The following TCF4 variants were observed in gnomAD, a reference collection of about 807,000 sequenced individuals.
The protein encoded by TCF4 is SL3-3 enhancer factor 2.
A neutral mutation model predicts 82.1 loss-of-function variants in TCF4; 3 were observed. That is an observed-to-expected ratio of 0.04 (90% CI 0.02 to 0.09). The LOEUF is 0.09. Ranked by LOEUF, TCF4 falls within the 10% of genes least tolerant of loss-of-function variation. TCF4 has a pLI of 1.00. For synonymous variants in TCF4, 276 were observed against 309.6 expected, an observed-to-expected ratio of 0.89 and a Z score of 1.14; for missense variants, 518 against 852.7, an observed-to-expected ratio of 0.61 and a Z score of 4.89.
At chr18:55,564,927 T>A (rs1399089963) in intron 3 of TCF4, among the ~76,000 whole-genome samples, 1 of 152,152 alleles carries the variant, frequency 6.6e-6, no homozygotes, top group Non-Finnish European at 1.5e-5. Context: ...AATAACCAGA[T>A]GATAACAACT....
At chr18:55,500,899 T>C (rs2146023788) in intron 3 of TCF4, among the ~76,000 whole-genome samples, 1 of 152,286 alleles carries the variant, frequency 6.6e-6, no homozygotes, top group East Asian at 1.9e-4. Context: ...TAAATTCTCC[T>C]ACGTTTAGGT....
chr18:55,607,879 G>A (rs1254159312), intron 2 of TCF4, among the ~76,000 whole-genome samples: 1 of 152,246 alleles, frequency 6.6e-6, no homozygotes, highest in Admixed American at 6.5e-5. Context: ...CAAAGGTGTG[G>A]GCTGTGTTTA....
At chr18:55,259,192 T>C (rs2145655067) in intron 13 of TCF4, among the ~76,000 whole-genome samples, 1 of 152,218 alleles carries the variant, frequency 6.6e-6, no homozygotes, top group East Asian at 1.9e-4. Context: ...CAGGTACAGA[T>C]GTGATTTAGG....
chr18:55,367,510 T>C (rs541985786), intron 6 of TCF4, among the ~76,000 whole-genome samples: 6 of 152,344 alleles, frequency 3.9e-5, no homozygotes, highest in African/African-American at 1.4e-4. Context: ...CCTTCACCAA[T>C]GCAATGTAGG....
intron 17 of TCF4, chr18:55,230,790 A>G (rs1244688930): frequency 2.6e-5 from 4 of 152,240 alleles, no homozygotes; most frequent in African/African-American, 9.7e-5. Flanking sequence ...CCAAGTGGCA[A>G]TAAGGACCAA....
intron 16 of TCF4, 101 bp from the exon 17 acceptor site, chr18:55,232,772 G>C: frequency 7.0e-7 from 1 of 1,436,726 alleles, no homozygotes; most frequent in South Asian, 1.2e-5. Flanking sequence ...GCTGAACTGT[G>C]ATCCTTCTGT....
rs761424512 is a variant in TCF4 at position 55,403,428 on chromosome 18, C to A, written c.369+26G>T. 4 of 1,613,168 alleles carry A rather than the reference C, an allele frequency of 2.5e-6. No homozygotes were observed. In the South Asian group the frequency reaches 4.4e-5, roughly 18 times the overall value. ...ATTTACCAGGTTAATCCTCTCAACC[C>A]TTCCGCAACAGAGATTCTCACTTAC... On this transcript the variant is annotated intron_variant, in intron 6 of 19. Coordinates refer to ENST00000354452, the MANE Select transcript of TCF4 (RefSeq NM_001083962.2).
intron 2 of TCF4, among the ~76,000 whole-genome samples, chr18:55,600,419 T>C (rs1005908632): frequency 6.6e-6 from 1 of 152,222 alleles, no homozygotes; most frequent in Non-Finnish European, 1.5e-5. Context: ...GCCTCCTCAA[T>C]TAGACTCTAA....
At chr18:55,348,854 G>C (rs1408047415) in intron 8 of TCF4, among the ~76,000 whole-genome samples, 2 of 152,026 alleles carry the variant, frequency 1.3e-5, no homozygotes, top group Non-Finnish European at 2.9e-5. Flanking sequence ...CATTGTTTCA[G>C]AACATTCAAA....
At chr18:55,618,822 G>A (rs2097714797) in intron 2 of TCF4, among the ~76,000 whole-genome samples, 1 of 151,630 alleles carries the variant, frequency 6.6e-6, no homozygotes, top group Admixed American at 6.6e-5. Flanking sequence ...CCTGGGCTCA[G>A]GCTATCCTCC....
intron 3 of TCF4, among the ~76,000 whole-genome samples, chr18:55,493,447 CT>C (rs796540136): frequency 5.9e-5 from 9 of 151,920 alleles, no homozygotes; most frequent in African/African-American, 1.7e-4. Flanking sequence ...TTGAAACAAG[CT>C]TTTTTTTAAA....
intron 8 of TCF4, chr18:55,322,395 T>C: frequency 1.3e-6 from 1 of 768,238 alleles, no homozygotes; most frequent in Non-Finnish European, 1.5e-6. Flanking sequence ...AGAACTCGAC[T>C]CGGAGAAAGG....
chr18:55,524,666 T>C (rs1303634323), intron 3 of TCF4, among the ~76,000 whole-genome samples: 3 of 152,166 alleles, frequency 2.0e-5, no homozygotes, highest in African/African-American at 7.2e-5. Flanking sequence ...TCCCAAGAAG[T>C]ATGCTAACCA....
chr18:55,385,896 T>C (rs1292072684), intron 6 of TCF4, among the ~76,000 whole-genome samples: 1 of 152,218 alleles, frequency 6.6e-6, no homozygotes, highest in Non-Finnish European at 1.5e-5. Flanking sequence ...CCATCGCTAC[T>C]GGGTGCCAAA....
At chr18:55,523,006 T>C (rs1208960773) in intron 3 of TCF4, among the ~76,000 whole-genome samples, 1 of 152,090 alleles carries the variant, frequency 6.6e-6, no homozygotes, top group African/African-American at 2.4e-5. Context: ...AAATACACTG[T>C]TTCTTTACTG....
intron 15 of TCF4, among the ~76,000 whole-genome samples, chr18:55,248,502 A>G (rs2054003570): frequency 6.6e-6 from 1 of 152,210 alleles, no homozygotes. Flanking sequence ...CATCACATCA[A>G]TGCCCACTAC....
chr18:55,309,950 TA>T (rs767190641), intron 8 of TCF4, among the ~76,000 whole-genome samples: 1 of 152,076 alleles, frequency 6.6e-6, no homozygotes, highest in Non-Finnish European at 1.5e-5. Flanking sequence ...AATATTCAAA[TA>T]AAAAAATTAC....
In TCF4 at chr18:55,401,318, C is replaced by A. The variant is rs1031596408; in HGVS notation, c.369+2136G>T. ...ATCACACTGTTTATGGAGATTGCTG[C>A]GACCACGCTAAGCACAGAGATAGTA... is the stretch of plus-strand genomic sequence containing the variant. On this transcript the variant is annotated intron_variant, in intron 6 of 19. Transcript: ENST00000354452. The A allele has an allele frequency of 7.7e-6, 9 of 1,170,968 alleles. No homozygotes were observed. The African/African-American group carries it at 1.4e-4, about 19-fold the overall frequency. The allele number at this position is 1,170,968 out of a possible 1,614,324, so 72.5% of individuals were successfully genotyped here. A position where few individuals can be genotyped will look rare whatever the true frequency, so the allele number is the denominator to read the frequency against.
chr18:55,444,326 A>G (rs1258752824), intron 5 of TCF4, among the ~76,000 whole-genome samples: 1 of 152,196 alleles, frequency 6.6e-6, no homozygotes, highest in Non-Finnish European at 1.5e-5. Flanking sequence ...ATGAGAGCAG[A>G]TCCACTATTG....
Sources: allele counts gnomAD v4.1 joint callset (sites outside exome capture counted in the v4.1 genomes callset), GRCh38; gene constraint gnomAD v4.1.1; transcripts MANE v1.5; gene names NCBI Gene and HGNC (gene_info 2026-07-23, HGNC 2026-07-21).